BFSP1: variants seen among roughly 807,000 people sequenced by gnomAD.
BFSP1 encodes the protein beaded filament structural protein 1.
BFSP1 carries 38 observed loss-of-function variants against 43.9 expected under a neutral mutation model. The observed-to-expected ratio is 0.87, with a 90% confidence interval of 0.67 to 1.14. The LOEUF is 1.14. Ranked by LOEUF, BFSP1 falls within the 50% of genes most tolerant of loss-of-function variation. BFSP1 has a pLI of 0.00. For missense variants in BFSP1, 850 were observed against 875.1 expected, an observed-to-expected ratio of 0.97 and a Z score of 0.36; for synonymous variants, 352 against 354.8, an observed-to-expected ratio of 0.99 and a Z score of 0.09.
intron 1 of BFSP1, among the ~76,000 whole-genome samples, chr20:17,547,289 T>C (rs1253196598): frequency 6.6e-6 from 1 of 152,116 alleles, no homozygotes; most frequent in African/African-American, 2.4e-5. Context: ...ATTTCATCCT[T>C]CTTATTCTTA....
chr20:17,526,210 A>G (rs2034420672), intron 1 of BFSP1, among the ~76,000 whole-genome samples: 1 of 136,146 alleles, frequency 7.3e-6, no homozygotes, highest in African/African-American at 2.8e-5. Flanking sequence ...CATTTTAAGT[A>G]TATAGTTTGT....
Position 17,493,981 on chromosome 20 carries a change from G to A in BFSP1, c.*93C>T, listed in dbSNP as rs760660982. 424 of 1,230,418 alleles carry A rather than the reference G, an allele frequency of 3.4e-4. No individual in the cohort carries two copies. Among genetic ancestry groups the A allele is most frequent in the Non-Finnish European group, 4.5e-4 (397 of 878,464 alleles). The allele number at this position is 1,230,418 out of a possible 1,614,324, so 76.2% of individuals were successfully genotyped here. A position where few individuals can be genotyped will look rare whatever the true frequency, so the allele number is the denominator to read the frequency against. On this transcript the variant is annotated 3_prime_UTR_variant, in exon 8 of 8. Coordinates refer to ENST00000377873, the MANE Select transcript of BFSP1 (RefSeq NM_001195.5). ...GTCAACTATGGTCTAATCCAAACAG[G>A]AACCCTCACCCTTTTATCATTTGCT...
At chr20:17,523,041 C>T (rs1161261009) in intron 2 of BFSP1, among the ~76,000 whole-genome samples, 1 of 152,176 alleles carries the variant, frequency 6.6e-6, no homozygotes, top group Non-Finnish European at 1.5e-5. Flanking sequence ...TTCCCCAGAA[C>T]CTTCATAATA....
At position 17,502,175 on chromosome 20, in the gene BFSP1, G is replaced by GAA. The variant is rs112957298; in HGVS notation, c.736-3136_736-3135insTT. Among the ~76,000 whole-genome samples, 120 of 148,474 alleles carry GAA rather than the reference G, an allele frequency of 8.1e-4. 1 individual carries two copies. The highest frequency in any genetic ancestry group is 1.2e-3 in the Non-Finnish European group (81 of 67,276). ...CCTGCCTTTTATACCCTGCTCCTTT[G>GAA]GAAAAAAAAAAAAATAGTACCTTTC... is the stretch of plus-strand genomic sequence containing the variant. On this transcript the variant is annotated intron_variant, in intron 5 of 7. Transcript: ENST00000377873.
chr20:17,536,714 G>T (rs1418071849), intron 1 of BFSP1, among the ~76,000 whole-genome samples: 1 of 152,120 alleles, frequency 6.6e-6, no homozygotes, highest in African/African-American at 2.4e-5. Context: ...TACATTCTGA[G>T]TTTGCTTTGG....
intron 2 of BFSP1, among the ~76,000 whole-genome samples, chr20:17,518,417 G>A (rs1401093292): frequency 1.3e-5 from 2 of 152,196 alleles, no homozygotes; most frequent in African/African-American, 4.8e-5. Flanking sequence ...CAGGGACAGT[G>A]AGGGAGGGTC....
intron 1 of BFSP1, chr20:17,565,567 C>T (rs1168993380): frequency 6.6e-6 from 1 of 152,170 alleles, no homozygotes; most frequent in African/African-American, 2.4e-5. Context: ...TGCACAAAAG[C>T]AAGTTACAAG....
chr20:17,509,042 G>C lies in BFSP1; in HGVS notation c.628-46C>G. ...TCAGACTCATGGGACATGCAGAGAG[G>C]AAAAGGGCAGAGAAGGTGCGGGGCC... On this transcript the variant is annotated intron_variant, in intron 4 of 7. Transcript: ENST00000377873. 3 of 1,415,796 alleles carry C rather than the reference G, an allele frequency of 2.1e-6. No individual in the cohort carries two copies. In the South Asian group the frequency reaches 4.3e-5, roughly 20 times the overall value. The allele number at this position is 1,415,796 out of a possible 1,614,324, so 87.7% of individuals were successfully genotyped here.
intron 1 of BFSP1, among the ~76,000 whole-genome samples, chr20:17,548,967 C>T (rs1018540173): frequency 6.6e-6 from 1 of 152,148 alleles, no homozygotes; most frequent in Non-Finnish European, 1.5e-5. Flanking sequence ...GCCACCACAT[C>T]AGGCTAGTTT....
intron 2 of BFSP1, chr20:17,517,386 G>A (rs755859708): frequency 3.3e-5 from 27 of 813,222 alleles, no homozygotes; most frequent in African/African-American, 1.0e-4. Flanking sequence ...TTCCTTTTGC[G>A]TTTCCTCCTG....
upstream of BFSP1, among the ~76,000 whole-genome samples, chr20:17,533,229 G>T: frequency 6.6e-6 from 1 of 152,082 alleles, no homozygotes; most frequent in Non-Finnish European, 1.5e-5. Flanking sequence ...TACATAAAAT[G>T]TAATTGTATG....
chr20:17,563,890 A>AGG (rs2035090900), upstream of BFSP1, among the ~76,000 whole-genome samples: 1 of 150,818 alleles, frequency 6.6e-6, no homozygotes, highest in African/African-American at 2.4e-5. Context: ...GTGTCTAAAA[A>AGG]AAAAAAAAAA....
At chr20:17,521,466 A>C (rs2123509322) in intron 2 of BFSP1, among the ~76,000 whole-genome samples, 1 of 152,356 alleles carries the variant, frequency 6.6e-6, no homozygotes, top group East Asian at 1.9e-4. Context: ...CCCAGGGATG[A>C]ATCCCTTCCA....
chr20:17,568,293 T>A (rs1344618883), intron 1 of BFSP1, among the ~76,000 whole-genome samples: 1 of 151,596 alleles, frequency 6.6e-6, no homozygotes, highest in African/African-American at 2.4e-5. Flanking sequence ...GGTGGCAGAG[T>A]GGAGGACGAA....
intron 7 of BFSP1, among the ~76,000 whole-genome samples, chr20:17,495,752 T>C (rs1568677473): frequency 6.6e-6 from 1 of 152,180 alleles, no homozygotes; most frequent in East Asian, 1.9e-4. Flanking sequence ...AATTCTCACC[T>C]GGTATAATCT....
upstream of BFSP1, among the ~76,000 whole-genome samples, chr20:17,532,418 A>G (rs988388926): frequency 4.0e-5 from 6 of 151,460 alleles, no homozygotes; most frequent in Non-Finnish European, 7.4e-5. Context: ...AAAAAAAAAA[A>G]AAAGAAAAAG....
intron 2 of BFSP1, among the ~76,000 whole-genome samples, chr20:17,519,064 A>G (rs750067393): frequency 1.3e-5 from 2 of 151,522 alleles, no homozygotes; most frequent in Non-Finnish European, 2.9e-5. Flanking sequence ...ATGTTGTTCT[A>G]TCTTCCCTCT....
Position 17,542,832 on chromosome 20 carries a change from C to G in BFSP1, c.2+15856G>C, listed in dbSNP as rs142414847. ...CTGAGAACATGGTTTGTTTTCATTT[C>G]TAGTTGGCTCAAGATGTTTCTGAAA... On this transcript the variant is annotated intron_variant, in intron 1 of 7. Coordinates refer to the BFSP1 transcript ENST00000377868. Among the ~76,000 whole-genome samples the G allele has an allele frequency of 7.8e-3, 1,181 of 152,262 alleles. 7 individuals are homozygous for G. The highest frequency in any genetic ancestry group is 0.017 in the South Asian group (81 of 4,830).
At position 17,531,060 on chromosome 20, in the gene BFSP1, G is replaced by T; in HGVS notation, c.270C>A (p.Arg90=). 7.1e-7 allele frequency: 1 copy of T among 1,401,180 alleles called. No homozygotes were observed. Among genetic ancestry groups the T allele is most frequent in the Non-Finnish European group, 9.3e-7 (1 of 1,079,516 alleles). 86.8% of individuals were successfully genotyped at this position (1,401,180 alleles called of 1,614,324 possible). A position where few individuals can be genotyped will look rare whatever the true frequency, so the allele number is the denominator to read the frequency against. The change falls in exon 1 of 8, where the codon CGC becomes CGA. Residue 90 remains arginine, a synonymous_variant. Coordinates refer to ENST00000377873, the MANE Select transcript of BFSP1 (RefSeq NM_001195.5). ...CGCGCTGGCGGTTGCTCTCGACTTG[G>T]CGGGCGAGGGCGTCCTCGGGCCCGG... ...ELAGPEDALA[R]QVESNRQRVR...
Sources: allele counts gnomAD v4.1 joint callset (sites outside exome capture counted in the v4.1 genomes callset), GRCh38; gene constraint gnomAD v4.1.1; transcripts MANE v1.5; gene names NCBI Gene and HGNC (gene_info 2026-07-23, HGNC 2026-07-21).